Variants in ANK3 observed in about 807,000 individuals in gnomAD.
The protein encoded by ANK3 is ankyrin 3.
A neutral mutation model predicts 370.9 loss-of-function variants in ANK3; 57 were observed. The observed-to-expected ratio is 0.15, with a 90% CI of 0.12 to 0.19. ANK3 has a LOEUF of 0.19. Among genes scored for constraint, ANK3 ranks in the 10% least tolerant of loss-of-function variants. ANK3 has a pLI of 1.00. For missense variants in ANK3, 4,439 were observed against 5,302.1 expected (o/e 0.84, Z 5.06); for synonymous variants, 1,929 against 1,946.3 (o/e 0.99, Z 0.23).
chr10:60,704,760 A>G (rs1272160948), intron 1 of ANK3, among the ~76,000 whole-genome samples: 1 of 152,174 alleles, frequency 6.6e-6, no homozygotes, highest in Non-Finnish European at 1.5e-5. Flanking sequence ...GTTAGCCAGT[A>G]ATTTTCCTTT....
chr10:60,531,839 G>T (rs1170355612), intron 2 of ANK3, among the ~76,000 whole-genome samples: 1 of 152,028 alleles, frequency 6.6e-6, no homozygotes, highest in African/African-American at 2.4e-5. Flanking sequence ...GCAGATTCCT[G>T]ATCCCATTTC....
At chr10:60,516,474 G>GT (rs1364818723) in intron 2 of ANK3, among the ~76,000 whole-genome samples, 1 of 152,024 alleles carries the variant, frequency 6.6e-6, no homozygotes, top group Non-Finnish European at 1.5e-5. Flanking sequence ...TTCAAGCTTG[G>GT]TTTTCACTGT....
intron 2 of ANK3, among the ~76,000 whole-genome samples, chr10:60,454,747 C>T (rs183573844): frequency 2.6e-5 from 4 of 152,202 alleles, no homozygotes; most frequent in African/African-American, 7.2e-5. Flanking sequence ...TGAAGTTGTT[C>T]GAGTTCACAA....
At chr10:60,641,856 G>A (rs1458488155) in intron 1 of ANK3, among the ~76,000 whole-genome samples, 1 of 151,692 alleles carries the variant, frequency 6.6e-6, no homozygotes. Flanking sequence ...CCTACAAAAT[G>A]GGAGAAAATT....
At chr10:60,088,505 A>G in intron 28 of ANK3, 147 bp from the exon 29 acceptor site, 1 of 703,120 alleles carries the variant, frequency 1.4e-6, no homozygotes, top group Admixed American at 2.8e-5. Context: ...GGCTCACCAC[A>G]ACCTCAGCCT....
chr10:60,134,471 T>G (rs1251981328), intron 24 of ANK3, 98 bp from the exon 25 acceptor site: 1 of 803,710 alleles, frequency 1.2e-6, no homozygotes, highest in Non-Finnish European at 1.9e-6. Context: ...GCAAGATGGC[T>G]AAAAATATCA....
In ANK3 at chr10:60,166,927, G is replaced by A. The variant is rs1265586385; in HGVS notation, c.2479-31C>T. 3.2e-6 allele frequency: 5 copies of A among 1,573,216 alleles called. No homozygotes were observed. The African/African-American group carries it at 6.8e-5, about 21-fold the overall frequency. The stretch of plus-strand genomic sequence containing the variant: ...AACAAAAAAGCAGTCATTTTAGTGT[G>A]AGCAGACTGTACATTTTAATGGGTC... On this transcript the variant is annotated intron_variant, in intron 21 of 43. Transcript: ENST00000280772.
chr10:60,076,815 C>A (rs867654462), intron 36 of ANK3, among the ~76,000 whole-genome samples: 2 of 152,146 alleles, frequency 1.3e-5, no homozygotes, highest in Admixed American at 6.6e-5. Flanking sequence ...TATTGACTTT[C>A]TTATGTGTTG....
At position 60,279,058 on chromosome 10, in the gene ANK3, C is replaced by T; in HGVS notation, c.307G>A (p.Ala103Thr). Reference protein sequence around the residue: ...LLQREANVDAATKKGNTALHI... With the variant: ...LLQREANVDATTKKGNTALHI... ...AAATATGTGATACTGACCTTTGTAGCTGCATCCACATTGGCTTCTCTCTGC... is the reference window on the plus strand; with the variant it reads ...AAATATGTGATACTGACCTTTGTAGTTGCATCCACATTGGCTTCTCTCTGC... The change falls in exon 3 of 44, where the codon GCT becomes ACT. Residue 103 changes from alanine (A) to threonine (T), a missense_variant. By Grantham distance (58) the Ala-to-Thr change is moderately conservative (BLOSUM62 0). Transcript: ENST00000280772. 1 of 1,613,854 alleles carries T rather than the reference C, an allele frequency of 6.2e-7. No individual in the cohort carries two copies. The highest frequency in any genetic ancestry group is 1.1e-5 in the South Asian group (1 of 91,076).
intron 36 of ANK3, among the ~76,000 whole-genome samples, chr10:60,077,380 A>C (rs1324990429): frequency 6.6e-6 from 1 of 152,208 alleles, no homozygotes; most frequent in Non-Finnish European, 1.5e-5. Flanking sequence ...AACTGAAAAC[A>C]TTTTATCATG....
chr10:60,576,340 G>A (rs1407342387), intron 2 of ANK3, among the ~76,000 whole-genome samples: 2 of 152,172 alleles, frequency 1.3e-5, no homozygotes, highest in African/African-American at 4.8e-5. Context: ...ACACCAACCA[G>A]GGCCAACTGA....
rs766394430 is a variant in ANK3, at chr10:60,085,187, C to T, written c.3815G>A (p.Cys1272Tyr). The T allele has an allele frequency of 3.7e-6, 6 of 1,612,884 alleles. No homozygotes were observed. Among genetic ancestry groups the T allele is most frequent in the African/African-American group, 1.3e-5 (1 of 74,950 alleles). ...GTTPLTFIKD[C>Y]VSFTTNVSAR... ...TGAAACATTGGTTGTAAAGGAGACA[C>T]AATCTTTTATAAACGTCAAAGGAGT... The change falls in exon 31 of 44, where the codon TGT becomes TAT. Residue 1272 changes from cysteine to tyrosine, a missense_variant. Cys to Tyr is a radical substitution (Grantham distance 194). Coordinates refer to ENST00000280772, the MANE Select transcript of ANK3 (RefSeq NM_020987.5).
intron 7 of ANK3, among the ~76,000 whole-genome samples, chr10:60,242,643 T>C (rs2132568227): frequency 6.6e-6 from 1 of 152,302 alleles, no homozygotes; most frequent in East Asian, 1.9e-4. Flanking sequence ...ATGTGCCTTA[T>C]CCTTAATGAA....
intron 17 of ANK3, among the ~76,000 whole-genome samples, chr10:60,184,211 GA>G (rs755988766): frequency 2.6e-5 from 4 of 152,172 alleles, no homozygotes; most frequent in Non-Finnish European, 4.4e-5. Flanking sequence ...AGTGTTATGT[GA>G]GAAGAGGGAA....
At chr10:60,506,018 A>G (rs929264445) in intron 2 of ANK3, among the ~76,000 whole-genome samples, 1 of 152,108 alleles carries the variant, frequency 6.6e-6, no homozygotes, top group Admixed American at 6.6e-5. Context: ...TTAAGTATTC[A>G]TACTCACAAT....
At chr10:60,455,769 C>T (rs1390388968) in intron 2 of ANK3, among the ~76,000 whole-genome samples, 1 of 152,044 alleles carries the variant, frequency 6.6e-6, no homozygotes, top group African/African-American at 2.4e-5. Flanking sequence ...CATTTTTGGC[C>T]CTTATCAGCC....
rs986814702 is a variant in ANK3 at position 60,261,085 on chromosome 10, C to A, written c.798+774G>T. ...TAATTGTTTATTTAATTTCATAATT[C>A]ATATTATCTCATCTTATAAATGAGG... On this transcript the variant is annotated intron_variant, in intron 7 of 43. Coordinates refer to ENST00000280772, the MANE Select transcript of ANK3 (RefSeq NM_020987.5). Among the ~76,000 whole-genome samples, 14 of 152,206 alleles carry A rather than the reference C, an allele frequency of 9.2e-5. 1 individual carries two copies. In the South Asian group the frequency reaches 2.5e-3, roughly 27 times the overall value.
intron 1 of ANK3, among the ~76,000 whole-genome samples, chr10:60,372,432 G>C (rs546815181): frequency 7.1e-6 from 1 of 140,844 alleles, no homozygotes; most frequent in African/African-American, 2.7e-5. Flanking sequence ...TAAAGAAACA[G>C]GGAGCGTTTA....
intron 35 of ANK3, chr10:60,081,524 T>TA (rs1181775747): frequency 1.1e-5 from 5 of 438,880 alleles, no homozygotes; most frequent in South Asian, 3.2e-5. Flanking sequence ...ACTATATTCT[T>TA]AAAAAAATGG....
Sources: allele counts gnomAD v4.1 joint callset (sites outside exome capture counted in the v4.1 genomes callset), GRCh38; gene constraint gnomAD v4.1.1; transcripts MANE v1.5; gene names NCBI Gene and HGNC (gene_info 2026-07-23, HGNC 2026-07-21).